Variants in TENM3 observed in about 807,000 individuals in gnomAD.
TENM3 encodes teneurin transmembrane protein 3.
TENM3 carries 63 observed loss-of-function variants against 255.1 expected under a neutral mutation model. The ratio of observed to expected loss-of-function variants is 0.25; its 90% CI spans 0.20 to 0.30. The LOEUF is 0.30. TENM3 is among the 10% of genes least tolerant of loss of function. TENM3 has a pLI of 1.00. For missense variants in TENM3, 2,929 were observed against 3,461.1 expected (o/e 0.85, Z 3.86); for synonymous variants, 1,306 against 1,322.3 (o/e 0.99, Z 0.27).
chr4:181,855,993 G>GGGAAGGAA, the TENM3 span, among the ~76,000 whole-genome samples: 1 of 65,270 alleles, frequency 1.5e-5, no homozygotes, highest in East Asian at 4.5e-4. Context: ...GAAAGAAGGA[G>GGGAAGGAA]GGAAGGAAGG....
chr4:181,753,332 C>T, the TENM3 span, among the ~76,000 whole-genome samples: 1 of 152,108 alleles, frequency 6.6e-6, no homozygotes, highest in East Asian at 1.9e-4. Context: ...AAAGCATGAG[C>T]AGAGGCAACC....
chr4:181,867,926 A>G, the TENM3 span, among the ~76,000 whole-genome samples: 1 of 152,192 alleles, frequency 6.6e-6, no homozygotes, highest in Non-Finnish European at 1.5e-5. Flanking sequence ...TAAAAATTGT[A>G]GATGTTCTGG....
chr4:181,631,920 A>T, the TENM3 span, among the ~76,000 whole-genome samples: 45 of 152,290 alleles, frequency 3.0e-4, no homozygotes, highest in African/African-American at 1.1e-3. Context: ...ATTTATGGTC[A>T]TGCAGGAGCT....
intron 3 of TENM3, among the ~76,000 whole-genome samples, chr4:182,360,574 G>A (rs956292873): frequency 1.3e-5 from 2 of 151,866 alleles, no homozygotes; most frequent in African/African-American, 4.8e-5. Context: ...CATTTGCTTG[G>A]TAGGTCTTCC....
the TENM3 span, among the ~76,000 whole-genome samples, chr4:181,592,472 C>T: frequency 2.0e-5 from 3 of 151,830 alleles, no homozygotes; most frequent in African/African-American, 4.8e-5. Context: ...GGTCGCGAAG[C>T]CCATGACTGA....
At chr4:182,052,021 G>A in the TENM3 span, among the ~76,000 whole-genome samples, 3 of 152,064 alleles carry the variant, frequency 2.0e-5, no homozygotes, top group East Asian at 1.9e-4. Flanking sequence ...GCCTGGGGAG[G>A]GGGTATTACT....
intron 3 of TENM3, among the ~76,000 whole-genome samples, chr4:182,564,820 C>T (rs376371189): frequency 6.6e-6 from 1 of 152,166 alleles, no homozygotes; most frequent in African/African-American, 2.4e-5. Flanking sequence ...CTTCTTTTAG[C>T]TTCACAGAAA....
intron 3 of TENM3, among the ~76,000 whole-genome samples, chr4:182,416,847 G>C (rs886982972): frequency 6.6e-6 from 1 of 152,098 alleles, no homozygotes; most frequent in African/African-American, 2.4e-5. Context: ...ACAAACCATC[G>C]GAGAGGCACA....
intron 3 of TENM3, among the ~76,000 whole-genome samples, chr4:182,446,405 A>C (rs1049107077): frequency 6.6e-6 from 1 of 152,236 alleles, no homozygotes; most frequent in East Asian, 1.9e-4. Flanking sequence ...CAATTTACAT[A>C]GCATTCATCT....
the TENM3 span, among the ~76,000 whole-genome samples, chr4:181,915,885 C>A: frequency 6.6e-6 from 1 of 152,176 alleles, no homozygotes; most frequent in Non-Finnish European, 1.5e-5. Flanking sequence ...AGATCCGTAC[C>A]CAGCAGGCAT....
At chr4:182,221,540 A>G (rs1265573988) in intron 1 of TENM3, among the ~76,000 whole-genome samples, 1 of 152,222 alleles carries the variant, frequency 6.6e-6, no homozygotes, top group Non-Finnish European at 1.5e-5. Context: ...TTGAAACTAT[A>G]TTAGTTTCCA....
the TENM3 span, among the ~76,000 whole-genome samples, chr4:181,993,414 T>C: frequency 3.3e-5 from 5 of 152,210 alleles, no homozygotes; most frequent in African/African-American, 1.2e-4. Flanking sequence ...ACATAAAAAC[T>C]ATATTGCTGT....
At chr4:182,096,019 ACTT>A in the TENM3 span, among the ~76,000 whole-genome samples, 1 of 151,958 alleles carries the variant, frequency 6.6e-6, no homozygotes, top group Admixed American at 6.6e-5. Context: ...AGTCCCAGCT[ACTT>A]GGGAGGCTGA....
At chr4:181,571,500 G>C in the TENM3 span, among the ~76,000 whole-genome samples, 573 of 152,064 alleles carry the variant, frequency 3.8e-3, 2 homozygotes, top group African/African-American at 0.013. Flanking sequence ...CCACAGCCAG[G>C]TAATTTAGAA....
At chr4:182,583,994 T>A (rs1182653134) in intron 3 of TENM3, among the ~76,000 whole-genome samples, 2 of 152,208 alleles carry the variant, frequency 1.3e-5, no homozygotes, top group African/African-American at 4.8e-5. Context: ...AGATTCCAAA[T>A]AGATGATTTT....
At chr4:181,998,905 G>A in the TENM3 span, among the ~76,000 whole-genome samples, 1 of 152,152 alleles carries the variant, frequency 6.6e-6, no homozygotes, top group Admixed American at 6.5e-5. Flanking sequence ...GTGAGCTGAG[G>A]CAAGACATTT....
At chr4:181,832,201 G>A in the TENM3 span, among the ~76,000 whole-genome samples, 3 of 152,028 alleles carry the variant, frequency 2.0e-5, no homozygotes, top group Non-Finnish European at 4.4e-5. Context: ...ATGTGTTTAT[G>A]TTCTCCACAG....
intron 12 of TENM3, among the ~76,000 whole-genome samples, chr4:182,706,456 G>T (rs1758289027): frequency 6.6e-6 from 1 of 152,142 alleles, no homozygotes; most frequent in African/African-American, 2.4e-5. Context: ...GAATACATGG[G>T]AGGGGAGAGG....
At chr4:182,142,623 GTGGCGCGAGGCGGC>G (rs2149537577), upstream of TENM3, 1 of 167,450 alleles carries the variant, frequency 6.0e-6, no homozygotes, top group East Asian at 1.9e-4. Context: ...AAAGTGGAGG[GTGGCGCGAGGCGGC>G]TGGCGCGACG....
Sources: allele counts gnomAD v4.1 joint callset (sites outside exome capture counted in the v4.1 genomes callset), GRCh38; gene constraint gnomAD v4.1.1; transcripts MANE v1.5; gene names NCBI Gene and HGNC (gene_info 2026-07-23, HGNC 2026-07-21).